SLIT3: variants seen among roughly 807,000 people sequenced by gnomAD.
The protein encoded by SLIT3 is slit homolog 3 protein.
In SLIT3, 68 loss-of-function variants were observed where a neutral mutation model predicts 184.0. That is an observed-to-expected ratio of 0.37 (90% CI 0.30 to 0.45). SLIT3 has a LOEUF of 0.45. SLIT3 is among the 20% of genes least tolerant of loss of function. The probability of loss-of-function intolerance (pLI) is 1.00; values close to 1 mark genes in which losing one functional copy is unlikely to be tolerated. For missense variants in SLIT3, 1,707 were observed against 2,026.0 expected, an observed-to-expected ratio of 0.84 and a Z score of 3.02; for synonymous variants, 831 against 828.6, an observed-to-expected ratio of 1.00 and a Z score of -0.05.
chr5:168,754,030 G>A, intron 16 of SLIT3, 23 bp from the exon 17 acceptor site: 1 of 1,545,536 alleles, frequency 6.5e-7, no homozygotes, highest in South Asian at 1.2e-5. Flanking sequence ...AACAGAATAG[G>A]GGAGAATCAA....
intron 5 of SLIT3, among the ~76,000 whole-genome samples, chr5:168,865,242 T>C (rs1689019799): frequency 6.8e-6 from 1 of 147,930 alleles, no homozygotes; most frequent in African/African-American, 2.5e-5. Context: ...AGTATTTACG[T>C]GAGGGAAATG....
At chr5:169,298,178 G>C (rs759747624) in intron 1 of SLIT3, among the ~76,000 whole-genome samples, 5 of 152,026 alleles carry the variant, frequency 3.3e-5, no homozygotes. Context: ...ATACCATCGC[G>C]GCACCCCCAT....
chr5:169,021,452 G>C (rs1756592277), intron 4 of SLIT3, among the ~76,000 whole-genome samples: 1 of 152,134 alleles, frequency 6.6e-6, no homozygotes, highest in South Asian at 2.1e-4. Flanking sequence ...CCCAGTTCAA[G>C]TGATTCTCCT....
At chr5:168,907,252 G>A (rs554340026) in intron 4 of SLIT3, among the ~76,000 whole-genome samples, 87 of 152,332 alleles carry the variant, frequency 5.7e-4, no homozygotes, top group Non-Finnish European at 9.1e-4. Context: ...CCCTGTGTCG[G>A]TGCAGAGCCA....
chr5:168,800,581 C>T (rs1364972961), intron 9 of SLIT3, among the ~76,000 whole-genome samples: 1 of 149,822 alleles, frequency 6.7e-6, no homozygotes, highest in African/African-American at 2.4e-5. Context: ...GAGCAAAATT[C>T]TGTCTCAAAA....
At chr5:168,709,422 C>G (rs958056704) in intron 25 of SLIT3, among the ~76,000 whole-genome samples, 10 of 152,114 alleles carry the variant, frequency 6.6e-5, no homozygotes, top group African/African-American at 2.2e-4. Context: ...TTAAAAGTCC[C>G]CACACCCAGG....
At chr5:168,897,940 G>A (rs943156362) in intron 4 of SLIT3, among the ~76,000 whole-genome samples, 2 of 152,124 alleles carry the variant, frequency 1.3e-5, no homozygotes, top group South Asian at 2.1e-4. Flanking sequence ...CCAGAACAGG[G>A]GAAGGTCGGC....
chr5:168,823,553 C>T (rs570284483), intron 6 of SLIT3, among the ~76,000 whole-genome samples: 2 of 152,268 alleles, frequency 1.3e-5, no homozygotes, highest in African/African-American at 4.8e-5. Flanking sequence ...CTCTACTGTC[C>T]TCTCAGGACT....
At chr5:169,244,295 G>A (rs969771914) in intron 3 of SLIT3, among the ~76,000 whole-genome samples, 1 of 152,244 alleles carries the variant, frequency 6.6e-6, no homozygotes, top group Non-Finnish European at 1.5e-5. Context: ...GGGAGGAGAA[G>A]GCCTCAGGAG....
rs981134430 is a variant in SLIT3 at position 168,885,994 on chromosome 5, A to G, written c.414-2658T>C. ...GGCAGCGCTTTGGTTTCTGTTCACT[A>G]TTTTCTTGCTGTAAATATAACCAGC... On this transcript the variant is annotated intron_variant, in intron 4 of 35. Coordinates refer to ENST00000519560, the MANE Select transcript of SLIT3 (RefSeq NM_003062.4). 3.9e-5 allele frequency among the ~76,000 whole-genome samples: 6 copies of G among 151,954 alleles called. No homozygotes were observed. In the South Asian group the frequency reaches 1.0e-3, roughly 26 times the overall value.
At chr5:169,146,816 G>T (rs1761942287) in intron 4 of SLIT3, among the ~76,000 whole-genome samples, 1 of 152,190 alleles carries the variant, frequency 6.6e-6, no homozygotes, top group Non-Finnish European at 1.5e-5. Flanking sequence ...ATTTTTAAAT[G>T]CAGGGTACCA....
chr5:168,723,161 C>T (rs373401338), intron 21 of SLIT3, among the ~76,000 whole-genome samples, 157 bp from the exon 22 acceptor site: 5 of 151,934 alleles, frequency 3.3e-5, no homozygotes, highest in East Asian at 1.9e-4. Context: ...CTATCCATCC[C>T]GCTGCTGGCC....
intron 4 of SLIT3, among the ~76,000 whole-genome samples, chr5:169,157,234 T>A (rs1762340896): frequency 6.6e-6 from 1 of 151,172 alleles, no homozygotes; most frequent in Non-Finnish European, 1.5e-5. Flanking sequence ...TGGCAACAGA[T>A]AAAAGGTACC....
At chr5:169,217,144 A>C (rs1409371242) in intron 3 of SLIT3, among the ~76,000 whole-genome samples, 4 of 112,630 alleles carry the variant, frequency 3.6e-5, no homozygotes, top group Admixed American at 1.0e-4. Flanking sequence ...AAAAAAAAAA[A>C]AAAAAAAACT....
In SLIT3 at chr5:168,666,414, A is replaced by C. The variant is rs1168537958; in HGVS notation, c.*40T>G. On this transcript the variant is annotated 3_prime_UTR_variant, in exon 36 of 36. Transcript: ENST00000519560. ...CCCACATGGCTGTCCCAACTCCATC[A>C]AGCTGGAGTCCGAGAGGTGGCAGGC... is the stretch of plus-strand genomic sequence containing the variant. 6.6e-7 allele frequency: 1 copy of C among 1,507,504 alleles called. No individual in the cohort carries two copies. Among genetic ancestry groups the C allele is most frequent in the African/African-American group, 1.4e-5 (1 of 72,308 alleles). 93.4% of individuals were successfully genotyped at this position (1,507,504 alleles called of 1,614,324 possible). A position where few individuals can be genotyped will look rare whatever the true frequency, so the allele number is the denominator to read the frequency against.
chr5:169,204,579 A>G (rs747481592), intron 3 of SLIT3, among the ~76,000 whole-genome samples: 2 of 152,192 alleles, frequency 1.3e-5, no homozygotes, highest in African/African-American at 2.4e-5. Flanking sequence ...GCTCCTGAAC[A>G]GGCAACAGAG....
intron 1 of SLIT3, among the ~76,000 whole-genome samples, chr5:169,291,821 C>G (rs1767368603): frequency 6.6e-6 from 1 of 152,210 alleles, no homozygotes; most frequent in African/African-American, 2.4e-5. Flanking sequence ...TGAGACCAGC[C>G]TGGCTGGATG....
chr5:169,213,123 A>G (rs992108920), intron 3 of SLIT3, among the ~76,000 whole-genome samples: 1 of 152,190 alleles, frequency 6.6e-6, no homozygotes, highest in Non-Finnish European at 1.5e-5. Flanking sequence ...GTCTCAGGAT[A>G]CAAAATCAAT....
intron 4 of SLIT3, among the ~76,000 whole-genome samples, chr5:169,090,112 C>T (rs1361894265): frequency 7.2e-5 from 11 of 152,158 alleles, no homozygotes; most frequent in Non-Finnish European, 1.2e-4. Flanking sequence ...CCCACCTGTA[C>T]GCTAGAGGGA....
Sources: allele counts gnomAD v4.1 joint callset (sites outside exome capture counted in the v4.1 genomes callset), GRCh38; gene constraint gnomAD v4.1.1; transcripts MANE v1.5; gene names NCBI Gene and HGNC (gene_info 2026-07-23, HGNC 2026-07-21).